Variants in HABP4 observed in about 807,000 individuals in gnomAD.
HABP4 encodes the protein hyaluronan binding protein 4, also known as intracellular hyaluronan-binding protein 4.
A neutral mutation model predicts 44.1 loss-of-function variants in HABP4; 32 were observed. That is an observed-to-expected ratio of 0.73 (90% confidence interval 0.55 to 0.97). The LOEUF is 0.97. HABP4 is among the 50% of genes least tolerant of loss of function. HABP4 has a pLI of 0.00. For missense variants in HABP4, 503 were observed against 561.9 expected, an observed-to-expected ratio of 0.90 and a Z score of 1.06; for synonymous variants, 216 against 218.0, an observed-to-expected ratio of 0.99 and a Z score of 0.08.
rs564336739 is a variant in HABP4, at chr9:96,488,689, C to T, written c.1185+415C>T. Reference sequence around the variant, plus strand: ...GTGAGGGGACCTTCCTCAACCCCTCCCCGGCTCACCTGCCTCACACCGTCC... The same window carrying T: ...GTGAGGGGACCTTCCTCAACCCCTCTCCGGCTCACCTGCCTCACACCGTCC... On this transcript the variant is annotated intron_variant, in intron 7 of 7. Transcript: ENST00000375249. The surrounding 1 kb of genome is among the most constrained non-coding windows in gnomAD (Gnocchi z 4.6). Among the ~76,000 whole-genome samples, 24 of 152,266 alleles carry T rather than the reference C, an allele frequency of 1.6e-4. No homozygotes were observed. The highest frequency in any genetic ancestry group is 2.9e-5 in the Non-Finnish European group (2 of 68,018).
At chr9:96,480,209 A>C (rs886840934) in intron 5 of HABP4, among the ~76,000 whole-genome samples, 1 of 151,894 alleles carries the variant, frequency 6.6e-6, no homozygotes, top group African/African-American at 2.4e-5. Flanking sequence ...ATCTATCTCT[A>C]TCGGTGCTAT....
intron 5 of HABP4, chr9:96,483,887 G>A (rs1590972): frequency 0.78 from 119,194 of 152,160 alleles, 47,829 homozygotes; most frequent in East Asian, 0.96. Context: ...CCCAAGCACC[G>A]TTTGTTGAAA....
At position 96,450,256 on chromosome 9, in the gene HABP4, C is replaced by G; in HGVS notation, c.-24C>G. On this transcript the variant is annotated 5_prime_UTR_variant, in exon 1 of 8. Transcript: ENST00000375249. This position sits in a 1 kb window ranked among gnomAD's most constrained non-coding sequence, Gnocchi z 4.8. ...GACGCGCTCGCGTGGGCTGCCCTCC[C>G]GGGCCCGCAGTGGTCGCGGCGGCAT... 1.4e-6 allele frequency: 2 copies of G among 1,398,124 alleles called. No individual in the cohort carries two copies. Among genetic ancestry groups the G allele is most frequent in the Non-Finnish European group, 9.4e-7 (1 of 1,064,246 alleles). 86.6% of individuals were successfully genotyped at this position (1,398,124 alleles called of 1,614,324 possible).
At chr9:96,472,130 C>G (rs1012260773) in intron 5 of HABP4, among the ~76,000 whole-genome samples, 2 of 152,110 alleles carry the variant, frequency 1.3e-5, no homozygotes, top group Non-Finnish European at 2.9e-5. Flanking sequence ...CTCTCTGGCC[C>G]TTTGGACCTG....
At chr9:96,471,621 C>T (rs960941297) in intron 5 of HABP4, among the ~76,000 whole-genome samples, 27 of 152,288 alleles carry the variant, frequency 1.8e-4, no homozygotes, top group African/African-American at 5.5e-4. Context: ...GTCCTCTGCT[C>T]ACAAGCTCTT....
At chr9:96,452,923 T>TG (rs1183868735) in intron 1 of HABP4, among the ~76,000 whole-genome samples, 1 of 143,748 alleles carries the variant, frequency 7.0e-6, no homozygotes, top group Non-Finnish European at 1.5e-5. Flanking sequence ...TTTTTTTTTT[T>TG]TTTTTTTTTT....
rs1832264033 is a variant in HABP4, at chr9:96,450,947, C to T, written c.349+319C>T. On this transcript the variant is annotated intron_variant, in intron 1 of 7. Transcript: ENST00000375249. This position sits in a 1 kb window ranked among gnomAD's most constrained non-coding sequence, Gnocchi z 4.8. ...GGGGGCGAACGGCTGAGGTCGCTAC[C>T]CCGGGGCTCCCACATCCAGACCTGG... Among the ~76,000 whole-genome samples the T allele has an allele frequency of 6.6e-6, 1 of 152,126 alleles. No individual in the cohort carries two copies. The highest frequency in any genetic ancestry group is 1.5e-5 in the Non-Finnish European group (1 of 68,010).
In HABP4 at chr9:96,465,402, G is replaced by T. The variant is rs200260228; in HGVS notation, c.578G>T (p.Arg193Leu). 3 of 1,609,398 alleles carry T rather than the reference G, an allele frequency of 1.9e-6. No homozygotes were observed. The highest frequency in any genetic ancestry group is 2.7e-5 in the African/African-American group (2 of 74,944). ...RGRGGPRGGM[R>L]GRGRGGPGNR... ...CGTGGAGGCCCGAGAGGGGGTATGC[G>T]CGGCAGAGGCAGAGGTGGCCCTGGG... The change falls in exon 3 of 8, where the codon CGC becomes CTC. Residue 193 changes from arginine (R) to leucine (L), a missense_variant. Around this residue, in one of 3 missense-constraint regions of HABP4, gnomAD observed 290 missense variants for 300.5 expected, o/e 0.97. Transcript: ENST00000375249.
At chr9:96,489,600 G>A (rs1285896577) in intron 7 of HABP4, among the ~76,000 whole-genome samples, 1 of 152,256 alleles carries the variant, frequency 6.6e-6, no homozygotes, top group African/African-American at 2.4e-5. Context: ...GGACGTGTTA[G>A]TGAAGCTCCT....
chr9:96,458,900 G>A (rs1832449626), intron 2 of HABP4, among the ~76,000 whole-genome samples: 1 of 152,198 alleles, frequency 6.6e-6, no homozygotes, highest in South Asian at 2.1e-4. Flanking sequence ...TGGGATTACA[G>A]GAGTGAGCCA....
intron 4 of HABP4, among the ~76,000 whole-genome samples, chr9:96,468,485 T>G (rs1157558695): frequency 6.6e-6 from 1 of 152,096 alleles, no homozygotes; most frequent in Non-Finnish European, 1.5e-5. Context: ...GGTCTCAATC[T>G]CCTGACCTCA....
chr9:96,450,728 G>A lies in HABP4; in HGVS notation c.349+100G>A, dbSNP rs1053917846. 1.7e-5 allele frequency: 17 copies of A among 994,426 alleles called. No individual in the cohort carries two copies. The highest frequency in any genetic ancestry group is 1.5e-4 in the African/African-American group (9 of 58,606). The allele number at this position is 994,426 out of a possible 1,614,324, so 61.6% of individuals were successfully genotyped here. On this transcript the variant is annotated intron_variant, in intron 1 of 7. Transcript: ENST00000375249. The surrounding 1 kb of genome is among the most constrained non-coding windows in gnomAD (Gnocchi z 4.8). ...GGAGGAGGGGCCCGGGAACAGTAGG[G>A]AGAGTTGAGGGTCCTGGTGGCCGCC...
intron 5 of HABP4, among the ~76,000 whole-genome samples, chr9:96,476,580 A>G (rs1832789783): frequency 6.6e-6 from 1 of 152,212 alleles, no homozygotes; most frequent in Admixed American, 6.5e-5. Flanking sequence ...TGTTAAAGCA[A>G]TAGCAGTTAT....
intron 1 of HABP4, among the ~76,000 whole-genome samples, chr9:96,455,283 T>G (rs189649658): frequency 3.3e-5 from 5 of 151,260 alleles, no homozygotes; most frequent in Non-Finnish European, 4.4e-5. Flanking sequence ...AAACCCTGTC[T>G]GTAGTAAAAA....
rs148756607 is a variant in HABP4 at position 96,462,665 on chromosome 9, C to A, written c.513-2672C>A. On this transcript the variant is annotated intron_variant, in intron 2 of 7. Transcript: ENST00000375249. ...TGTTGGCTGGGCACAGTGGCTTATA[C>A]CCGTAGTCCTAGCACTTTGGGAGGC... 8.6e-3 allele frequency among the ~76,000 whole-genome samples: 1,313 copies of A among 151,852 alleles called. 16 individuals are homozygous for A. The highest frequency in any genetic ancestry group is 0.011 in the Non-Finnish European group (764 of 67,966).
chr9:96,471,028 C>A lies in HABP4; in HGVS notation c.761C>A (p.Ala254Glu). ...TTTTTCAGTGATGTGGAGCCAACTG[C>A]ACCGATGGAGGAACCCACAGTGGTG... ...GKDTSDVEPT[A>E]PMEEPTVVEE... The change falls in exon 5 of 8, where the codon GCA (alanine) becomes GAA (glutamate). Residue 254 changes from alanine (A) to glutamate (E), a missense_variant. Ala to Glu is a moderately radical substitution (Grantham distance 107, BLOSUM62 -1). Around this residue, in one of 3 missense-constraint regions of HABP4, gnomAD observed 131 missense variants for 189.8 expected, o/e 0.69. Transcript: ENST00000375249. 2 of 1,603,394 alleles carry A rather than the reference C, an allele frequency of 1.2e-6. No individual in the cohort carries two copies. Among genetic ancestry groups the A allele is most frequent in the Non-Finnish European group, 1.7e-6 (2 of 1,170,244 alleles).
At position 96,450,763 on chromosome 9, in the gene HABP4, A is replaced by T. The variant is rs1832259193; in HGVS notation, c.349+135A>T. 8.7e-6 allele frequency: 6 copies of T among 685,718 alleles called. No individual in the cohort carries two copies. The highest frequency in any genetic ancestry group is 1.0e-5 in the Non-Finnish European group (5 of 496,958). The allele number at this position is 685,718 out of a possible 1,614,324, so 42.5% of individuals were successfully genotyped here. Reference sequence around the variant, plus strand: ...GGTCCTGGTGGCCGCCGAAGGTAGGAGGAGAGGGGCAGGGGTCACACCCCT... The same window carrying T: ...GGTCCTGGTGGCCGCCGAAGGTAGGTGGAGAGGGGCAGGGGTCACACCCCT... On this transcript the variant is annotated intron_variant, in intron 1 of 7. Coordinates refer to ENST00000375249, the MANE Select transcript of HABP4 (RefSeq NM_014282.4). The surrounding 1 kb of genome is among the most constrained non-coding windows in gnomAD (Gnocchi z 4.8).
rs201552425 is a variant in HABP4, at chr9:96,450,339, C to G, written c.60C>G (p.Phe20Leu). The change falls in exon 1 of 8, where the codon TTC becomes TTG. Residue 20 changes from phenylalanine to leucine, a missense_variant. Physicochemically the swap from Phe to Leu is conservative, Grantham distance 22. Around this residue, in one of 3 missense-constraint regions of HABP4, gnomAD observed 290 missense variants for 300.5 expected, o/e 0.97. Coordinates refer to ENST00000375249, the MANE Select transcript of HABP4 (RefSeq NM_014282.4). This position sits in a 1 kb window ranked among gnomAD's most constrained non-coding sequence, Gnocchi z 4.8. Reference protein sequence around the residue: ...AAAGAAMQESFGCVVANRFHQ... With the variant: ...AAAGAAMQESLGCVVANRFHQ... ...CTGGCGCCGCGATGCAGGAGAGTTTCGGCTGCGTGGTGGCCAACCGCTTCC... is the reference window on the plus strand; with the variant it reads ...CTGGCGCCGCGATGCAGGAGAGTTTGGGCTGCGTGGTGGCCAACCGCTTCC... The G allele has an allele frequency of 1.6e-6, 2 of 1,290,282 alleles. No homozygotes were observed. 79.9% of individuals were successfully genotyped at this position (1,290,282 alleles called of 1,614,324 possible).
chr9:96,451,172 C>G (rs557545513), intron 1 of HABP4, among the ~76,000 whole-genome samples: 6 of 152,354 alleles, frequency 3.9e-5, no homozygotes, highest in South Asian at 4.1e-4. Context: ...GCCTTCGCCC[C>G]TTCTCCGTCC....
Sources: gnomAD v4.1 joint callset for allele counts (sites outside exome capture counted in the v4.1 genomes callset) on GRCh38, gnomAD v4.1.1 for gene constraint, gnomAD v4.1.1 regional missense constraint, Gnocchi (gnomAD v3.1) non-coding constraint, MANE v1.5 for transcripts, NCBI Gene and HGNC (gene_info 2026-07-23, HGNC 2026-07-21) for gene names.